The following MIAT variants were observed in gnomAD, a reference collection of about 807,000 sequenced individuals.
MIAT encodes the protein MI related novel mRNA.
chr22:26,670,297 A>C (rs1371827113), downstream of MIAT: 8 of 398,424 alleles, frequency 2.0e-5, no homozygotes, highest in Non-Finnish European at 3.1e-5. Context: ...ATTTGGGGGA[A>C]ATATAGGTGA....
downstream of MIAT, chr22:26,669,738 G>C (rs1930977148): frequency 2.0e-5 from 8 of 399,160 alleles, no homozygotes; most frequent in East Asian, 2.8e-4. Flanking sequence ...AGAGGTATGG[G>C]AAGCAGACAC....
downstream of MIAT, chr22:26,672,728 G>T (rs1419315247): frequency 5.0e-6 from 2 of 398,940 alleles, no homozygotes; most frequent in African/African-American, 4.1e-5. Flanking sequence ...GCAGAGGGGC[G>T]TGTCCCACAC....
intron 2 of MIAT, among the ~76,000 whole-genome samples, chr22:26,653,308 T>C (rs766691171): frequency 6.6e-6 from 1 of 152,222 alleles, no homozygotes; most frequent in Non-Finnish European, 1.5e-5. Flanking sequence ...CACTCCTTCC[T>C]TGCGTTACTC....
chr22:26,652,476 G>A (rs1328507140), intron 2 of MIAT, among the ~76,000 whole-genome samples: 5 of 152,134 alleles, frequency 3.3e-5, no homozygotes, highest in Non-Finnish European at 1.5e-5. Context: ...TCCTGCCTCA[G>A]CCTCCTGAGT....
At chr22:26,671,104 G>A (rs1931028930), downstream of MIAT, 1 of 398,682 alleles carries the variant, frequency 2.5e-6, no homozygotes, top group Non-Finnish European at 4.4e-6. Context: ...GTCTGTCAGA[G>A]TGTAACAGGA....
exon 4 of MIAT, chr22:26,665,884 T>C: frequency 2.5e-6 from 1 of 398,650 alleles, no homozygotes; most frequent in Non-Finnish European, 4.4e-6. Context: ...CTGAGTTAAA[T>C]GACTTCATCT....
chr22:26,647,410 AG>A (rs1403678791), intron 2 of MIAT: 3 of 356,118 alleles, frequency 8.4e-6, no homozygotes, highest in Non-Finnish European at 1.5e-5. Flanking sequence ...AGAGAGAGAG[AG>A]AGAGAGAGAG....
exon 6 of MIAT, chr22:26,668,355 T>C (rs868418737): frequency 6.5e-5 from 26 of 398,608 alleles, no homozygotes; most frequent in Non-Finnish European, 3.5e-5. Context: ...CTCTTCCTGG[T>C]TGATGCTCAG....
chr22:26,657,546 G>T, intron 2 of MIAT: 1 of 398,798 alleles, frequency 2.5e-6, no homozygotes, highest in East Asian at 3.6e-5. Context: ...GGACGAGTGC[G>T]GGGAGGAGTT....
chr22:26,648,559 GT>G (rs113480751), intron 2 of MIAT, among the ~76,000 whole-genome samples: 21,611 of 111,220 alleles, frequency 0.19, 1,638 homozygotes, highest in Middle Eastern at 0.2. Context: ...ATGGGGTTTT[GT>G]TTTTTTTTTT....
intron 3 of MIAT, among the ~76,000 whole-genome samples, chr22:26,665,078 A>G (rs1930794690): frequency 7.0e-6 from 1 of 143,636 alleles, no homozygotes; most frequent in South Asian, 2.1e-4. Context: ...CTCTACTACT[A>G]AAAAAAAAAT....
chr22:26,661,951 TATATATATATAC>T (rs1386791773), intron 2 of MIAT, among the ~76,000 whole-genome samples: 13 of 38,708 alleles, frequency 3.4e-4, no homozygotes, highest in East Asian at 1.4e-3. Context: ...TATATATATA[TATATATATATAC>T]ACACACACAC....
chr22:26,653,653 T>A (rs1450847748), intron 2 of MIAT, among the ~76,000 whole-genome samples: 1 of 152,174 alleles, frequency 6.6e-6, no homozygotes, highest in Non-Finnish European at 1.5e-5. Flanking sequence ...ATAAAAGCAT[T>A]GTGACCTGAC....
intron 5 of MIAT, chr22:26,667,364 A>G (rs1038889307): frequency 2.2e-5 from 8 of 367,792 alleles, no homozygotes; most frequent in Middle Eastern, 6.7e-4. Flanking sequence ...GCGTGTGCAC[A>G]TGTGTGTGCA....
exon 6 of MIAT, chr22:26,669,465 C>G (rs938641269): frequency 7.5e-6 from 3 of 397,538 alleles, no homozygotes; most frequent in African/African-American, 6.2e-5. Flanking sequence ...AGAGCATGAG[C>G]AGGCTCTGGT....
chr22:26,675,945 A>G, exon 5 of MIAT: 1 of 398,588 alleles, frequency 2.5e-6, no homozygotes. Context: ...AGATTCTAAG[A>G]GTGTGTGTGC....
downstream of MIAT, chr22:26,673,418 C>A (rs951539346): frequency 8.5e-5 from 34 of 398,812 alleles, no homozygotes; most frequent in Non-Finnish European, 1.4e-4. Context: ...AGGGGCTGAC[C>A]ACTAACAACC....
intron 2 of MIAT, among the ~76,000 whole-genome samples, chr22:26,648,469 T>C (rs1272528068): frequency 1.3e-5 from 2 of 151,620 alleles, no homozygotes; most frequent in Admixed American, 6.6e-5. Flanking sequence ...CAAGGTCTCC[T>C]GGCCTCCTGA....
rs74456426 is a variant in MIAT, at chr22:26,675,024, A to G, written n.8692A>G. 1,555 of 398,608 alleles carry G rather than the reference A, an allele frequency of 3.9e-3. 34 individuals carry two copies. Among genetic ancestry groups the G allele is most frequent in the African/African-American group, 0.028 (1,381 of 48,642 alleles). The allele number at this position is 398,608 out of a possible 1,614,324, so 24.7% of individuals were successfully genotyped here. On this transcript the variant is annotated non_coding_transcript_exon_variant, in exon 5 of 5. Transcript: ENST00000613780. Reference sequence around the variant, plus strand: ...AGACAGACAAGATTGATGTGCACCTACTCTGTGCCAGGCGTGTGCCAGGCA... The same window carrying G: ...AGACAGACAAGATTGATGTGCACCTGCTCTGTGCCAGGCGTGTGCCAGGCA...
Sources: allele counts gnomAD v4.1 joint callset (sites outside exome capture counted in the v4.1 genomes callset), GRCh38; gene constraint gnomAD v4.1.1; transcripts MANE v1.5; gene names NCBI Gene and HGNC (gene_info 2026-07-23, HGNC 2026-07-21).